Variants in ZSWIM4 observed in about 807,000 individuals in gnomAD.
The protein encoded by ZSWIM4 is zinc finger SWIM domain-containing protein 4.
In ZSWIM4, 62 loss-of-function variants were observed where a neutral mutation model predicts 102.5. That is an observed-to-expected ratio of 0.60 (90% CI 0.49 to 0.75). ZSWIM4 has a LOEUF of 0.75. ZSWIM4 is among the 30% of genes least tolerant of loss of function. The probability of loss-of-function intolerance (pLI) is 0.00; values close to 1 mark genes in which losing one functional copy is unlikely to be tolerated. For synonymous variants in ZSWIM4, 652 were observed against 674.5 expected, an observed-to-expected ratio of 0.97 and a Z score of 0.52; for missense variants, 1,280 against 1,529.6, an observed-to-expected ratio of 0.84 and a Z score of 2.72.
chr19:13,821,509 C>T (rs775559141), intron 10 of ZSWIM4, among the ~76,000 whole-genome samples: 16 of 152,112 alleles, frequency 1.1e-4, no homozygotes, highest in East Asian at 1.9e-4. Context: ...ATTGCCACTG[C>T]ACGCCAGCCT....
chr19:13,804,091 G>A lies in ZSWIM4; in HGVS notation c.356-701G>A, dbSNP rs1225686793. Among the ~76,000 whole-genome samples, 5 of 151,336 alleles carry A rather than the reference G, an allele frequency of 3.3e-5. No homozygotes were observed. In the South Asian group the frequency reaches 6.3e-4, roughly 19 times the overall value. ...GTTGGCCATGCTGGTCTTGAACTCC[G>A]GACCTCAGGTGATCTACCAGCCTCG... On this transcript the variant is annotated intron_variant, in intron 2 of 13. Transcript: ENST00000590508.
chr19:13,817,562 G>A (rs1423495188), intron 8 of ZSWIM4, 160 bp from the exon 9 acceptor site: 5 of 1,072,280 alleles, frequency 4.7e-6, no homozygotes, highest in Non-Finnish European at 6.6e-6. Flanking sequence ...GCTGCTAGAA[G>A]GTGGGGCTCC....
intron 13 of ZSWIM4, 146 bp downstream of exon 13, chr19:13,828,872 G>A (rs889934230): frequency 9.5e-5 from 65 of 682,434 alleles, no homozygotes; most frequent in East Asian, 4.0e-4. Flanking sequence ...AGGCCAAAGC[G>A]GGAGGATCAC....
chr19:13,795,914 C>G, intron 1 of ZSWIM4, 113 bp downstream of exon 1: 1 of 625,396 alleles, frequency 1.6e-6, no homozygotes, highest in South Asian at 8.1e-5. Context: ...CAGAGACACC[C>G]CCTGAGATTC....
At chr19:13,801,247 G>A (rs1212279863) in intron 2 of ZSWIM4, among the ~76,000 whole-genome samples, 1 of 152,100 alleles carries the variant, frequency 6.6e-6, no homozygotes, top group African/African-American at 2.4e-5. Flanking sequence ...CAGGCTTCAG[G>A]TCCAGATGGG....
intron 5 of ZSWIM4, among the ~76,000 whole-genome samples, chr19:13,810,419 A>G (rs544085972): frequency 1.2e-4 from 18 of 151,706 alleles, no homozygotes; most frequent in African/African-American, 4.4e-4. Flanking sequence ...TAGCCTTCTC[A>G]GTAGCTGGGA....
chr19:13,815,842 G>A (rs1464647187), intron 7 of ZSWIM4, among the ~76,000 whole-genome samples: 3 of 151,674 alleles, frequency 2.0e-5, no homozygotes, highest in East Asian at 1.9e-4. Context: ...GGGAGGCTGC[G>A]GCATGAGAAT....
intron 9 of ZSWIM4, 105 bp downstream of exon 9, chr19:13,818,081 G>A (rs1412530750): frequency 9.4e-7 from 1 of 1,064,312 alleles, no homozygotes; most frequent in African/African-American, 2.0e-5. Context: ...CCCCAGCCCC[G>A]CCCCTAGCCC....
chr19:13,819,445 G>A lies in ZSWIM4; in HGVS notation c.2013G>A (p.Leu671=). The change falls in exon 10 of 14, where the codon CTG becomes CTA. Residue 671 remains leucine, a synonymous_variant. Transcript: ENST00000590508. Reference sequence around the variant, plus strand: ...CCCGCTACCTGTTCACCGCACTGCTGCCTCATGACCCGGACCTGGCCTATC... The same window carrying A: ...CCCGCTACCTGTTCACCGCACTGCTACCTCATGACCCGGACCTGGCCTATC... ...TCARYLFTAL[L]PHDPDLAYRL... 1 of 1,610,074 alleles carries A rather than the reference G, an allele frequency of 6.2e-7. No individual in the cohort carries two copies. The highest frequency in any genetic ancestry group is 1.3e-5 in the African/African-American group (1 of 74,978).
At chr19:13,805,429 C>T (rs904429608) in intron 3 of ZSWIM4, among the ~76,000 whole-genome samples, 3 of 151,908 alleles carry the variant, frequency 2.0e-5, no homozygotes, top group Non-Finnish European at 4.4e-5. Context: ...GGTCTGGCCC[C>T]AGGGCTGGGT....
In ZSWIM4 at chr19:13,825,843, T is replaced by C. The variant is rs1159202057; in HGVS notation, c.2379+130T>C. ...GGGGGCCCGGCATTTGCGTGAGCTA[T>C]TCCTCTGTGGCTGGGGACTGAGCGA... On this transcript the variant is annotated intron_variant, in intron 12 of 13. Coordinates refer to ENST00000590508, the MANE Select transcript of ZSWIM4 (RefSeq NM_001367834.3). The surrounding 1 kb of genome is among the most constrained non-coding windows in gnomAD (Gnocchi z 4.6). 2 of 1,257,104 alleles carry C rather than the reference T, an allele frequency of 1.6e-6. No homozygotes were observed. The highest frequency in any genetic ancestry group is 2.2e-6 in the Non-Finnish European group (2 of 927,954). 77.9% of individuals were successfully genotyped at this position (1,257,104 alleles called of 1,614,324 possible). A position where few individuals can be genotyped will look rare whatever the true frequency, so the allele number is the denominator to read the frequency against.
At chr19:13,796,402 C>T (rs546823858) in intron 1 of ZSWIM4, among the ~76,000 whole-genome samples, 2 of 152,208 alleles carry the variant, frequency 1.3e-5, no homozygotes, top group East Asian at 3.9e-4. Flanking sequence ...TAAATAACTC[C>T]CCCATCTCTC....
rs71170569 is a variant in ZSWIM4, at chr19:13,800,065, A to ATTTTTTTTTTTTT, written c.355+152_355+164dup. ...CGAGGCCCAGATAGGATTGTACAAGATTTTTTTTTTTTTTTTTTTTGAGAC... is the reference window on the plus strand; with the variant it reads ...CGAGGCCCAGATAGGATTGTACAAGATTTTTTTTTTTTTTTTTTTTTTTTTTTTTTTTTGAGAC... On this transcript the variant is annotated intron_variant, in intron 2 of 13. Transcript: ENST00000590508. The ATTTTTTTTTTTTT allele has an allele frequency of 2.7e-4, 105 of 385,146 alleles. 7 individuals carry two copies. The African/African-American group carries it at 3.4e-3, about 13-fold the overall frequency. 23.9% of individuals were successfully genotyped at this position (385,146 alleles called of 1,614,324 possible). A position where few individuals can be genotyped will look rare whatever the true frequency, so the allele number is the denominator to read the frequency against.
intron 7 of ZSWIM4, chr19:13,815,178 A>G (rs112249332): frequency 0.018 from 2,776 of 154,108 alleles, 84 homozygotes; most frequent in African/African-American, 0.064. Flanking sequence ...TTTTTGAGAC[A>G]GAGTTTCGCT....
rs201426601 is a variant in ZSWIM4 at position 13,817,721 on chromosome 19, G to C, written c.1670-1G>C. 339 of 1,608,100 alleles carry C rather than the reference G, an allele frequency of 2.1e-4. 2 individuals carry two copies. The highest frequency in any genetic ancestry group is 1.7e-4 in the Middle Eastern group (1 of 6,054). On this transcript the variant is annotated splice_acceptor_variant, in intron 8 of 13. Coordinates refer to ENST00000590508, the MANE Select transcript of ZSWIM4 (RefSeq NM_001367834.3). LOFTEE classifies it high-confidence loss of function. The stretch of plus-strand genomic sequence containing the variant: ...AGCAGCCCTGGCCCTGTCTCCCCCA[G>C]ACTCAGGCCCCGAGAAGCGGAAGGT...
intron 5 of ZSWIM4, among the ~76,000 whole-genome samples, chr19:13,812,256 G>A (rs116470589): frequency 0.018 from 2,755 of 152,164 alleles, 75 homozygotes; most frequent in African/African-American, 0.061. Flanking sequence ...CTTGAGAGGA[G>A]TCTGGAGGCC....
chr19:13,803,386 A>T (rs1280242072), intron 2 of ZSWIM4, among the ~76,000 whole-genome samples: 1 of 152,192 alleles, frequency 6.6e-6, no homozygotes, highest in Non-Finnish European at 1.5e-5. Flanking sequence ...TTTTCTCAGG[A>T]AATTGAGGGG....
At chr19:13,814,246 G>A (rs1888498790) in intron 6 of ZSWIM4, among the ~76,000 whole-genome samples, 2 of 151,750 alleles carry the variant, frequency 1.3e-5, no homozygotes, top group South Asian at 4.2e-4. Flanking sequence ...ATGGGGTGTC[G>A]CCATGTTGGC....
At chr19:13,827,696 A>G (rs1397437062) in intron 12 of ZSWIM4, among the ~76,000 whole-genome samples, 3 of 151,966 alleles carry the variant, frequency 2.0e-5, no homozygotes, top group African/African-American at 7.3e-5. Flanking sequence ...CAGCCTCCTG[A>G]TTGGAGCCGT....
Sources: allele counts gnomAD v4.1 joint callset (sites outside exome capture counted in the v4.1 genomes callset), GRCh38; gene constraint gnomAD v4.1.1; non-coding constraint Gnocchi (gnomAD v3.1); transcripts MANE v1.5; gene names NCBI Gene and HGNC (gene_info 2026-07-23, HGNC 2026-07-21).